Variants in POLR1C observed in about 807,000 individuals in gnomAD.
The protein encoded by POLR1C is RNA polymerase I and III subunit C.
In POLR1C, 42 loss-of-function variants were observed where a neutral mutation model predicts 38.3. The observed-to-expected ratio is 1.10, with a 90% CI of 0.86 to 1.42. POLR1C has a LOEUF of 1.42. Ranked by LOEUF, POLR1C falls within the 40% of genes most tolerant of loss-of-function variation. The pLI is 0.00. For missense variants in POLR1C, 507 were observed against 450.5 expected, an observed-to-expected ratio of 1.13 and a Z score of -1.14; for synonymous variants, 163 against 163.9, an observed-to-expected ratio of 0.99 and a Z score of 0.04.
intron 9 of POLR1C, among the ~76,000 whole-genome samples, chr6:43,540,567 C>T (rs948754123): frequency 2.0e-5 from 3 of 152,118 alleles, no homozygotes; most frequent in South Asian, 2.1e-4. Flanking sequence ...ACAGGAGAAG[C>T]GCTTGAACCT....
Position 43,535,979 on chromosome 6 carries a change from C to T in POLR1C, c.*4+6620C>T, listed in dbSNP as rs144919248. 1.2e-3 allele frequency among the ~76,000 whole-genome samples: 183 copies of T among 150,236 alleles called. 1 individual carries two copies. Among genetic ancestry groups the T allele is most frequent in the African/African-American group, 4.2e-3 (173 of 40,714 alleles). Reference sequence around the variant, plus strand: ...CTCTACTAAAAATATAAAAATTAGACGAGTATGGCGGTGCATGCCTGTAAT... The same window carrying T: ...CTCTACTAAAAATATAAAAATTAGATGAGTATGGCGGTGCATGCCTGTAAT... On this transcript the variant is annotated intron_variant, in intron 9 of 10. Coordinates refer to the POLR1C transcript ENST00000607635.
chr6:43,517,303 T>G lies in POLR1C; in HGVS notation c.70-3T>G. 6.2e-7 allele frequency: 1 copy of G among 1,614,004 alleles called. No individual in the cohort carries two copies. The highest frequency in any genetic ancestry group is 8.5e-7 in the Non-Finnish European group (1 of 1,179,880). ...CGTGGACAAATTCGTCCCTTTGCTC[T>G]AGGTCCATACTACTGACTTTCCCGG... is the stretch of plus-strand genomic sequence containing the variant. On this transcript the variant is annotated splice_polypyrimidine_tract_variant and splice_region_variant and intron_variant, in intron 1 of 8. Coordinates refer to ENST00000642195, the MANE Select transcript of POLR1C (RefSeq NM_203290.4).
At chr6:43,521,661 A>G, downstream of POLR1C, 1 of 343,308 alleles carries the variant, frequency 2.9e-6, no homozygotes, top group South Asian at 2.3e-5. Flanking sequence ...AGCTGATGCT[A>G]CAGGCATGCA....
chr6:43,522,819 G>C (rs1345697412), downstream of POLR1C: 1 of 356,262 alleles, frequency 2.8e-6, no homozygotes, highest in Admixed American at 3.0e-5. Context: ...AATAACCTCA[G>C]GGCCAGGTCC....
intron 9 of POLR1C, chr6:43,544,298 A>G (rs1794858947): frequency 6.4e-6 from 1 of 155,492 alleles, no homozygotes; most frequent in Non-Finnish European, 1.4e-5. Context: ...GTCTTTCTAT[A>G]GAAAATAGGA....
chr6:43,525,502 T>C (rs547456087), downstream of POLR1C: 27 of 500,504 alleles, frequency 5.4e-5, no homozygotes, highest in East Asian at 9.1e-4. Flanking sequence ...TCTATTTTTG[T>C]GTATTGCCAG....
rs769495929 is a variant in POLR1C at position 43,517,092 on chromosome 6, C to T, written c.-18C>T. On this transcript the variant is annotated 5_prime_UTR_variant, in exon 1 of 9. Transcript: ENST00000642195. ...GCACGCGCGAGATAGAACCTCTAGT[C>T]TCGTGGAGAGATTGAAGATGGCGGC... 6.2e-7 allele frequency: 1 copy of T among 1,613,534 alleles called. No homozygotes were observed. The highest frequency in any genetic ancestry group is 8.5e-7 in the Non-Finnish European group (1 of 1,179,430).
chr6:43,537,548 C>T (rs1261749775), intron 9 of POLR1C, among the ~76,000 whole-genome samples: 1 of 152,106 alleles, frequency 6.6e-6, no homozygotes, highest in Non-Finnish European at 1.5e-5. Flanking sequence ...AATGAATGGC[C>T]AAGGTATGTT....
rs2127735942 is a variant in POLR1C, at chr6:43,553,679, G to C, written c.*48+2668G>C. ...AGCTGGGGCAAAGAAAAGATGATGT[G>C]TGCTGAAAGCAATGAGGTAGGTGAA... On this transcript the variant is annotated intron_variant, in intron 10 of 10. Coordinates refer to the POLR1C transcript ENST00000607635. 2.2e-6 allele frequency: 3 copies of C among 1,349,066 alleles called. No individual in the cohort carries two copies. The African/African-American group carries it at 4.4e-5, about 20-fold the overall frequency. The allele number at this position is 1,349,066 out of a possible 1,614,324, so 83.6% of individuals were successfully genotyped here.
intron 6 of POLR1C, 22 bp downstream of exon 6, chr6:43,520,449 C>G (rs1022645974): frequency 1.9e-6 from 3 of 1,612,808 alleles, no homozygotes; most frequent in African/African-American, 1.3e-5. Flanking sequence ...GTGTGCCTTC[C>G]TGGGAAGGGG....
chr6:43,527,365 G>A (rs771518074), intron 8 of POLR1C: 19 of 282,652 alleles, frequency 6.7e-5, no homozygotes, highest in Admixed American at 1.5e-4. Context: ...TCCGCCTCCC[G>A]GGTTCAAGCG....
intron 2 of POLR1C, among the ~76,000 whole-genome samples, chr6:43,517,844 C>T (rs1310653346): frequency 6.6e-6 from 1 of 152,100 alleles, no homozygotes; most frequent in Non-Finnish European, 1.5e-5. Context: ...TGTATTGTTT[C>T]ACTTAGCTTA....
chr6:43,524,018 A>G (rs1326800818), downstream of POLR1C: 1 of 1,609,782 alleles, frequency 6.2e-7, no homozygotes, highest in East Asian at 2.2e-5. Flanking sequence ...GTGGAAAACA[A>G]ATGAGAAAGA....
chr6:43,525,192 A>C, downstream of POLR1C: 1 of 1,580,550 alleles, frequency 6.3e-7, no homozygotes, highest in Non-Finnish European at 8.6e-7. Context: ...GAAGGCTGTA[A>C]TTAATAGCGC....
chr6:43,556,617 G>A (rs1257741411), intron 10 of POLR1C, among the ~76,000 whole-genome samples: 2 of 151,928 alleles, frequency 1.3e-5, no homozygotes, highest in Non-Finnish European at 2.9e-5. Context: ...GGCAGTTCCT[G>A]AAAATATTAA....
intron 10 of POLR1C, chr6:43,555,727 TAGTATA>T (rs755161749): frequency 1.9e-4 from 250 of 1,298,740 alleles, no homozygotes; most frequent in African/African-American, 1.4e-3. Context: ...TATTTTTGAA[TAGTATA>T]AGTATATCGT....
intron 10 of POLR1C, among the ~76,000 whole-genome samples, chr6:43,551,681 T>C (rs1346449276): frequency 2.0e-5 from 3 of 152,144 alleles, no homozygotes; most frequent in Non-Finnish European, 4.4e-5. Flanking sequence ...GGCACCACCA[T>C]GCCTGGATAC....
At chr6:43,527,807 A>T (rs1793693584) in intron 8 of POLR1C, 1 of 1,478,504 alleles carries the variant, frequency 6.8e-7, no homozygotes, top group Admixed American at 1.8e-5. Flanking sequence ...CCCTAATCAG[A>T]CTCTCTCTGA....
intron 10 of POLR1C, among the ~76,000 whole-genome samples, chr6:43,556,925 C>T (rs937026929): frequency 5.3e-5 from 8 of 151,282 alleles, no homozygotes. Context: ...GTCGGGAGTT[C>T]GAGACCAGCC....
Sources: allele counts gnomAD v4.1 joint callset (sites outside exome capture counted in the v4.1 genomes callset), GRCh38; gene constraint gnomAD v4.1.1; transcripts MANE v1.5; gene names NCBI Gene and HGNC (gene_info 2026-07-23, HGNC 2026-07-21).